The following DMD variants were observed in gnomAD, a reference collection of about 807,000 sequenced individuals.
DMD encodes the protein dystrophin, also known as mutant dystrophin.
Under a neutral mutation model 330.1 loss-of-function variants are expected in DMD, and 63 were observed. The ratio of observed to expected loss-of-function variants is 0.19; its 90% confidence interval spans 0.16 to 0.24. DMD has a LOEUF of 0.24. DMD is among the 10% of genes least tolerant of loss of function. DMD has a pLI of 1.00. For synonymous variants in DMD, 1,223 were observed against 959.8 expected (o/e 1.27, Z -5.07); for missense variants, 3,344 against 2,684.1 (o/e 1.25, Z -5.43).
At chrX:32,428,907 C>T (rs984754669) in intron 29 of DMD, among the ~76,000 whole-genome samples, 10 of 111,597 alleles carry the variant, frequency 9.0e-5, no homozygotes, top group South Asian at 3.8e-4. Context: ...CCACCATGCC[C>T]GGCCAGGTAT....
chrX:32,353,202 T>A (rs1474713979), intron 37 of DMD, among the ~76,000 whole-genome samples: 1 of 111,459 alleles, frequency 9.0e-6, no homozygotes, highest in Non-Finnish European at 1.9e-5. Flanking sequence ...ATTCATTGCT[T>A]TTCTTAAGAG....
At chrX:32,039,328 A>G (rs1337051775) in intron 44 of DMD, among the ~76,000 whole-genome samples, 1 of 111,735 alleles carries the variant, frequency 8.9e-6, no homozygotes, top group Non-Finnish European at 1.9e-5. Flanking sequence ...GGGCACAAAG[A>G]GAACAAAAAA....
chrX:31,439,511 A>AAAC (rs1556639068), intron 60 of DMD, among the ~76,000 whole-genome samples: 1 of 111,734 alleles, frequency 8.9e-6, no homozygotes, highest in Non-Finnish European at 1.9e-5. Context: ...ACCTTTAAAA[A>AAAC]ACATACATAA....
At chrX:32,738,494 G>A (rs1209432622) in intron 7 of DMD, among the ~76,000 whole-genome samples, 1 of 111,462 alleles carries the variant, frequency 9.0e-6, no homozygotes, top group Non-Finnish European at 1.9e-5. Flanking sequence ...GCAATTGTAA[G>A]GCTTAAATAA....
intron 44 of DMD, among the ~76,000 whole-genome samples, chrX:32,022,645 TC>T (rs1255380922): frequency 8.9e-6 from 1 of 111,928 alleles, no homozygotes; most frequent in East Asian, 2.8e-4. Context: ...ACATATATCT[TC>T]TGTCTTTATA....
rs749990631 is a variant in DMD at position 32,754,030 on chromosome X, T to C, written c.650-54737A>G. Among the ~76,000 whole-genome samples the C allele has an allele frequency of 3.6e-4, 40 of 111,380 alleles. 1 individual carries two copies. Among genetic ancestry groups the C allele is most frequent in the African/African-American group, 1.2e-3 (36 of 30,630 alleles). ...ACCCAGATTTGTGCCATCTGCAAAATTGAAAATTACCCCTTTGCTGATGTT... is the reference window on the plus strand; with the variant it reads ...ACCCAGATTTGTGCCATCTGCAAAACTGAAAATTACCCCTTTGCTGATGTT... On this transcript the variant is annotated intron_variant, in intron 7 of 78. Coordinates refer to ENST00000357033, the MANE Select transcript of DMD (RefSeq NM_004006.3).
chrX:31,921,836 A>G (rs2094693847), intron 47 of DMD, among the ~76,000 whole-genome samples: 2 of 111,746 alleles, frequency 1.8e-5, no homozygotes, highest in Admixed American at 1.9e-4. Context: ...CATAATTCAT[A>G]ATCTCATCAT....
At chrX:31,833,706 C>G (rs1053793181) in intron 49 of DMD, among the ~76,000 whole-genome samples, 1 of 110,935 alleles carries the variant, frequency 9.0e-6, no homozygotes, top group Non-Finnish European at 1.9e-5. Flanking sequence ...CCAATCAGAA[C>G]TCAGCTTGGG....
chrX:32,390,774 C>G (rs1157766131), intron 30 of DMD, among the ~76,000 whole-genome samples: 1 of 111,525 alleles, frequency 9.0e-6, no homozygotes, highest in Non-Finnish European at 1.9e-5. Context: ...CCTGTCTCAG[C>G]CTCCCACAGA....
At chrX:31,482,218 GGTGTGTGTGT>G (rs752580281) in intron 57 of DMD, among the ~76,000 whole-genome samples, 2 of 93,311 alleles carry the variant, frequency 2.1e-5, no homozygotes, top group Middle Eastern at 5.5e-3. Flanking sequence ...GCAACATGAT[GGTGTGTGTGT>G]GTGTGTGTGG....
intron 37 of DMD, among the ~76,000 whole-genome samples, chrX:32,355,658 G>GA (rs1376640228): frequency 9.0e-6 from 1 of 110,945 alleles, no homozygotes; most frequent in Non-Finnish European, 1.9e-5. Flanking sequence ...TACACATGTG[G>GA]AAAAAATAAG....
chrX:31,784,730 T>A (rs949264136), intron 50 of DMD, among the ~76,000 whole-genome samples: 2 of 112,042 alleles, frequency 1.8e-5, no homozygotes, highest in Admixed American at 1.9e-4. Flanking sequence ...TGAGGATAAA[T>A]AATTGATACT....
intron 42 of DMD, among the ~76,000 whole-genome samples, chrX:32,307,849 A>T (rs753894001): frequency 1.0e-3 from 114 of 111,380 alleles, no homozygotes; most frequent in African/African-American, 3.6e-3. Flanking sequence ...AATGAAATGC[A>T]AGTTAATATT....
At chrX:31,159,523 C>T (rs2038556118) in intron 74 of DMD, among the ~76,000 whole-genome samples, 1 of 111,537 alleles carries the variant, frequency 9.0e-6, no homozygotes. Context: ...AACAGGAAAC[C>T]ATTTCTAACT....
chrX:33,109,012 T>C (rs994642602), intron 1 of DMD, among the ~76,000 whole-genome samples: 5 of 109,690 alleles, frequency 4.6e-5, no homozygotes, highest in African/African-American at 6.6e-5. Flanking sequence ...AAAGTAGATA[T>C]ATATGCAATT....
intron 70 of DMD, 129 bp downstream of exon 70, chrX:31,178,540 C>T: frequency 1.0e-6 from 1 of 991,695 alleles, no homozygotes; most frequent in Non-Finnish European, 1.3e-6. Context: ...TTTCTCTTTT[C>T]AGCTAATGTA....
At chrX:31,151,116 C>G (rs1027616418) in intron 74 of DMD, among the ~76,000 whole-genome samples, 2 of 111,699 alleles carry the variant, frequency 1.8e-5, no homozygotes, top group Non-Finnish European at 3.8e-5. Flanking sequence ...GCACACGGGT[C>G]TTCTGGGTGT....
intron 2 of DMD, among the ~76,000 whole-genome samples, chrX:32,993,532 G>A (rs747739737): frequency 1.8e-5 from 2 of 109,260 alleles, no homozygotes; most frequent in South Asian, 8.1e-4. Context: ...GAACCCAGGA[G>A]GCAGAGGTTG....
chrX:32,329,783 A>G (rs922450830), intron 41 of DMD, among the ~76,000 whole-genome samples: 2 of 112,424 alleles, frequency 1.8e-5, no homozygotes, highest in East Asian at 5.6e-4. Flanking sequence ...AAAATTATGG[A>G]CCTTCTGGAA....
Sources: allele counts gnomAD v4.1 joint callset (sites outside exome capture counted in the v4.1 genomes callset), GRCh38; gene constraint gnomAD v4.1.1; transcripts MANE v1.5; gene names NCBI Gene and HGNC (gene_info 2026-07-23, HGNC 2026-07-21).